FHIP1A: variants seen among roughly 807,000 people sequenced by gnomAD.
The protein encoded by FHIP1A is FHF complex subunit HOOK-interacting protein 1A.
Under a neutral mutation model 88.6 loss-of-function variants are expected in FHIP1A, and 61 were observed. The observed-to-expected ratio is 0.69, with a 90% CI of 0.56 to 0.85. The LOEUF (loss-of-function observed/expected upper bound fraction) is 0.85, where lower values mean the gene tolerates loss of function less well. Ranked by LOEUF, FHIP1A falls within the 40% of genes least tolerant of loss-of-function variation. The pLI, the probability that FHIP1A is intolerant of heterozygous loss-of-function variation, is 0.00. For synonymous variants in FHIP1A, 478 were observed against 496.0 expected (o/e 0.96, Z 0.48); for missense variants, 1,154 against 1,273.5 (o/e 0.91, Z 1.43).
intron 1 of FHIP1A, among the ~76,000 whole-genome samples, chr4:151,423,426 A>T (rs1336500110): frequency 6.6e-6 from 1 of 152,186 alleles, no homozygotes; most frequent in Non-Finnish European, 1.5e-5. Context: ...TTAAATTAGC[A>T]AGTGTTTAAC....
At chr4:151,518,528 A>T (rs1027054401) in intron 3 of FHIP1A, among the ~76,000 whole-genome samples, 16 of 152,182 alleles carry the variant, frequency 1.1e-4, no homozygotes, top group Admixed American at 5.9e-4. Context: ...AAAATTTCAA[A>T]CATAGAGCAA....
At chr4:151,539,568 A>C (rs1476078149) in intron 3 of FHIP1A, among the ~76,000 whole-genome samples, 1 of 151,118 alleles carries the variant, frequency 6.6e-6, no homozygotes, top group Non-Finnish European at 1.5e-5. Context: ...TGTCTAAAAA[A>C]AAAAAAAAAA....
intron 7 of FHIP1A, among the ~76,000 whole-genome samples, chr4:151,598,836 A>G (rs962147668): frequency 8.5e-5 from 13 of 152,128 alleles, no homozygotes; most frequent in Admixed American, 7.2e-4. Flanking sequence ...TTGGTTCACA[A>G]CCTAACTTTT....
intron 7 of FHIP1A, among the ~76,000 whole-genome samples, chr4:151,629,049 T>TA (rs538795897): frequency 2.0e-5 from 3 of 152,320 alleles, no homozygotes; most frequent in South Asian, 4.1e-4. Context: ...TAATTTGTTA[T>TA]AAAAAAGTCG....
At chr4:151,657,173 A>C (rs1280884761) in intron 13 of FHIP1A, among the ~76,000 whole-genome samples, 1 of 152,084 alleles carries the variant, frequency 6.6e-6, no homozygotes, top group Non-Finnish European at 1.5e-5. Flanking sequence ...GCTGATGTGT[A>C]GGGTATTGTC....
intron 9 of FHIP1A, among the ~76,000 whole-genome samples, chr4:151,644,955 C>T (rs1253222957): frequency 6.6e-6 from 1 of 152,220 alleles, no homozygotes; most frequent in Non-Finnish European, 1.5e-5. Context: ...ACCAGAGCAT[C>T]TCTACTCACA....
rs574139755 is a variant in FHIP1A at position 151,562,814 on chromosome 4, A to AAGTTGG, written c.-122-3323_-122-3318dup. 2.6e-4 allele frequency among the ~76,000 whole-genome samples: 39 copies of AAGTTGG among 152,288 alleles called. No individual in the cohort carries two copies. The East Asian group carries it at 4.4e-3, about 17-fold the overall frequency. On this transcript the variant is annotated intron_variant, in intron 3 of 13. Transcript: ENST00000435205. Reference sequence around the variant, plus strand: ...TTATTGTAGCTGTCCAAATAGTCTGAAGTTGGGTAAGATGTCTATCTGGGA... The same window carrying AAGTTGG: ...TTATTGTAGCTGTCCAAATAGTCTGAAGTTGGAGTTGGGTAAGATGTCTATCTGGGA...
rs1733758850 is a variant in FHIP1A at position 151,435,237 on chromosome 4, C to T, written c.-355-19464C>T. ...TTACTCCTTTTAGCTAACTATTTTC[C>T]TACTCATTAACCAACTTCTCTTCAT... is the stretch of plus-strand genomic sequence containing the variant. On this transcript the variant is annotated intron_variant, in intron 1 of 13. Coordinates refer to ENST00000435205, the MANE Select transcript of FHIP1A (RefSeq NM_001109977.3). Among the ~76,000 whole-genome samples the T allele has an allele frequency of 4.6e-5, 7 of 152,168 alleles. No homozygotes were observed. The South Asian group carries it at 1.5e-3, about 32-fold the overall frequency.
At chr4:151,600,660 TCTGGGGCCTCAGCAGG>T (rs1734834370) in intron 7 of FHIP1A, among the ~76,000 whole-genome samples, 4 of 152,206 alleles carry the variant, frequency 2.6e-5, no homozygotes. Context: ...CTCTGCGATG[TCTGGGGCCTCAGCAGG>T]CTGGGGCCTG....
At position 151,668,402 on chromosome 4, in the gene FHIP1A, T is replaced by G. The variant is rs1046779823; in HGVS notation, c.*5648T>G. 1.3e-5 allele frequency among the ~76,000 whole-genome samples: 2 copies of G among 152,206 alleles called. No homozygotes were observed. Among genetic ancestry groups the G allele is most frequent in the African/African-American group, 2.4e-5 (1 of 41,448 alleles). On this transcript the variant is annotated 3_prime_UTR_variant, in exon 14 of 14. Transcript: ENST00000435205. ...CCAAGCTGAAGGAGGGTGTGTACTTTCCGAAACTTCGAGGCCATCTTAGTA... is the reference window on the plus strand; with the variant it reads ...CCAAGCTGAAGGAGGGTGTGTACTTGCCGAAACTTCGAGGCCATCTTAGTA...
chr4:151,411,345 A>ATTTTTTTTT (rs1266533808), intron 1 of FHIP1A, among the ~76,000 whole-genome samples: 1 of 121,634 alleles, frequency 8.2e-6, no homozygotes, highest in Non-Finnish European at 1.6e-5. Flanking sequence ...GAAATTATAT[A>ATTTTTTTTT]TATATTTTTT....
At chr4:151,655,943 A>T (rs1737214370) in intron 11 of FHIP1A, among the ~76,000 whole-genome samples, 1 of 152,092 alleles carries the variant, frequency 6.6e-6, no homozygotes, top group South Asian at 2.1e-4. Context: ...AAGTTAAATT[A>T]TTTGTTTTTT....
rs142879813 is a variant in FHIP1A, at chr4:151,458,773, G to C, written c.-248+3965G>C. ...GAATGGGGTTTTAGTCTGGGCGCAA[G>C]GGACTGTCTTTTGTTTGGCTTATCT... On this transcript the variant is annotated intron_variant, in intron 2 of 13. Transcript: ENST00000435205. Among the ~76,000 whole-genome samples, 589 of 152,214 alleles carry C rather than the reference G, an allele frequency of 3.9e-3. 3 individuals are homozygous for C. The highest frequency in any genetic ancestry group is 0.014 in the African/African-American group (566 of 41,540).
intron 8 of FHIP1A, 135 bp downstream of exon 8, chr4:151,630,004 T>G: frequency 1.8e-5 from 13 of 729,276 alleles, no homozygotes; most frequent in Non-Finnish European, 2.6e-5. Flanking sequence ...TGTTGTTGTT[T>G]TGTGGCCATT....
At chr4:151,620,753 A>G (rs1340508724) in intron 7 of FHIP1A, among the ~76,000 whole-genome samples, 2 of 140,540 alleles carry the variant, frequency 1.4e-5, no homozygotes, top group African/African-American at 2.6e-5. Flanking sequence ...GGAAAATTAG[A>G]TATCTTTTTT....
intron 2 of FHIP1A, among the ~76,000 whole-genome samples, chr4:151,474,928 C>G (rs1729646635): frequency 6.6e-6 from 1 of 152,130 alleles, no homozygotes; most frequent in Non-Finnish European, 1.5e-5. Flanking sequence ...TACAGTATTC[C>G]TCAGACTTTC....
intron 5 of FHIP1A, among the ~76,000 whole-genome samples, chr4:151,578,439 G>A (rs1733894436): frequency 6.6e-6 from 1 of 152,158 alleles, no homozygotes; most frequent in African/African-American, 2.4e-5. Context: ...AGGAATCATG[G>A]CATGTGATAA....
chr4:151,459,988 A>G (rs949972161), intron 2 of FHIP1A, among the ~76,000 whole-genome samples: 2 of 152,146 alleles, frequency 1.3e-5, no homozygotes, highest in Non-Finnish European at 2.9e-5. Context: ...GAATCTTTAG[A>G]TTGCTATTTT....
At chr4:151,515,374 T>C (rs1360784119) in intron 3 of FHIP1A, among the ~76,000 whole-genome samples, 1 of 151,934 alleles carries the variant, frequency 6.6e-6, no homozygotes, top group Non-Finnish European at 1.5e-5. Context: ...ACTGGAAGCA[T>C]TCCCTTTGAA....
Sources: allele counts gnomAD v4.1 joint callset (sites outside exome capture counted in the v4.1 genomes callset), GRCh38; gene constraint gnomAD v4.1.1; transcripts MANE v1.5; gene names NCBI Gene and HGNC (gene_info 2026-07-23, HGNC 2026-07-21).